MTMR12: variants seen among roughly 807,000 people sequenced by gnomAD.
MTMR12 encodes myotubularin-related protein 12.
In MTMR12, 33 loss-of-function variants were observed where a neutral mutation model predicts 96.7. That is an observed-to-expected ratio of 0.34 (90% confidence interval 0.26 to 0.46). MTMR12 has a LOEUF of 0.46. MTMR12 is among the 20% of genes least tolerant of loss of function. The pLI is 1.00. For synonymous variants in MTMR12, 298 were observed against 327.2 expected (o/e 0.91, Z 0.96); for missense variants, 721 against 896.1 (o/e 0.80, Z 2.49).
rs147323924 is a variant in MTMR12 at position 32,252,681 on chromosome 5, T to A, written c.789+3012A>T. On this transcript the variant is annotated intron_variant, in intron 8 of 15. Coordinates refer to ENST00000382142, the MANE Select transcript of MTMR12 (RefSeq NM_001040446.3). ...AAATTAAAACTGAGAAACTTTTAAATACTAATTCATTTTAAAACAATAATT... is the reference window on the plus strand; with the variant it reads ...AAATTAAAACTGAGAAACTTTTAAAAACTAATTCATTTTAAAACAATAATT... Among the ~76,000 whole-genome samples, 1,148 of 152,366 alleles carry A rather than the reference T, an allele frequency of 7.5e-3. 19 individuals carry two copies. Among genetic ancestry groups the A allele is most frequent in the African/African-American group, 0.027 (1,114 of 41,584 alleles).
intron 1 of MTMR12, 108 bp from the exon 2 acceptor site, chr5:32,276,850 C>A: frequency 2.1e-6 from 1 of 469,148 alleles, no homozygotes; most frequent in South Asian, 3.3e-5. Flanking sequence ...CCCTCAGGAG[C>A]TTTTCGTTTA....
At position 32,233,780 on chromosome 5, in the gene MTMR12, C is replaced by G; in HGVS notation, c.1667G>C (p.Arg556Pro). The change falls in exon 15 of 16, where the codon CGC becomes CCC. Residue 556 changes from arginine to proline, a missense_variant. Coordinates refer to ENST00000382142, the MANE Select transcript of MTMR12 (RefSeq NM_001040446.3). The surrounding 1 kb of genome is among the most constrained non-coding windows in gnomAD (Gnocchi z 5.0). ...KLDKGQRKGM[R>P]FKHQRQLSLP... ...GACATGTGGACATCTTACTTTGAAG[C>G]GCATTCCTTTCCGTTGGCCTTTGTC... is the stretch of plus-strand genomic sequence containing the variant. 6.2e-7 allele frequency: 1 copy of G among 1,614,190 alleles called. No homozygotes were observed. The highest frequency in any genetic ancestry group is 8.5e-7 in the Non-Finnish European group (1 of 1,180,044).
intron 15 of MTMR12, 46 bp from the exon 16 acceptor site, chr5:32,230,393 C>G: frequency 6.7e-7 from 1 of 1,490,496 alleles, no homozygotes; most frequent in Non-Finnish European, 9.1e-7. Flanking sequence ...ACATAACAGG[C>G]ACAGTTAACA....
intron 1 of MTMR12, among the ~76,000 whole-genome samples, chr5:32,296,801 T>TAA (rs150147919): frequency 3.9e-4 from 46 of 117,788 alleles, no homozygotes; most frequent in African/African-American, 1.1e-3. Context: ...ACATTCTCTT[T>TAA]AAAAAAAAAA....
At chr5:32,289,337 T>A (rs1014868145) in intron 1 of MTMR12, among the ~76,000 whole-genome samples, 1 of 152,164 alleles carries the variant, frequency 6.6e-6, no homozygotes, top group East Asian at 1.9e-4. Flanking sequence ...TCACGGCCCC[T>A]CAATCAATTT....
At chr5:32,285,953 ACT>A (rs1187001046) in intron 1 of MTMR12, among the ~76,000 whole-genome samples, 1 of 152,158 alleles carries the variant, frequency 6.6e-6, no homozygotes, top group African/African-American at 2.4e-5. Flanking sequence ...GTATCTGGTT[ACT>A]CAGAGTTGCA....
At position 32,271,830 on chromosome 5, in the gene MTMR12, T is replaced by G; in HGVS notation, c.358+3A>C. 1 of 1,546,540 alleles carries G rather than the reference T, an allele frequency of 6.5e-7. No individual in the cohort carries two copies. The highest frequency in any genetic ancestry group is 8.8e-7 in the Non-Finnish European group (1 of 1,135,194). On this transcript the variant is annotated splice_donor_region_variant and intron_variant, in intron 4 of 15. Transcript: ENST00000382142. ...AACACCCCAGGGAAAAACAGATACT[T>G]ACCTCCATAAATCTGATCAACACAG...
At chr5:32,289,135 A>G (rs1309309761) in intron 1 of MTMR12, among the ~76,000 whole-genome samples, 1 of 152,204 alleles carries the variant, frequency 6.6e-6, no homozygotes, top group East Asian at 1.9e-4. Context: ...TAGCTACTGT[A>G]ATGGATGGTA....
At chr5:32,256,161 G>C (rs1390690847) in intron 7 of MTMR12, among the ~76,000 whole-genome samples, 1 of 152,110 alleles carries the variant, frequency 6.6e-6, no homozygotes, top group Non-Finnish European at 1.5e-5. Context: ...TAAACTAATA[G>C]GAAAAACAGT....
chr5:32,294,242 G>A (rs28402709), intron 1 of MTMR12, among the ~76,000 whole-genome samples: 8 of 152,006 alleles, frequency 5.3e-5, no homozygotes, highest in Non-Finnish European at 1.0e-4. Flanking sequence ...ACACTGAGGT[G>A]CCCCTTTGCT....
chr5:32,270,974 G>A lies in MTMR12; in HGVS notation c.359-27C>T, dbSNP rs201751032. The A allele has an allele frequency of 1.8e-3, 2,809 of 1,594,504 alleles. 38 individuals carry two copies. The highest frequency in any genetic ancestry group is 0.017 in the Middle Eastern group (104 of 5,966). ...TACAGATCAGCAATGAAATCAGGAA[G>A]GGAAATTATGTTACACAGCAATAAG... On this transcript the variant is annotated intron_variant, in intron 4 of 15. Transcript: ENST00000382142.
chr5:32,279,076 CAAAAAAAAAAAAAAAA>C (rs35999870), intron 1 of MTMR12, among the ~76,000 whole-genome samples: 1,407 of 50,382 alleles, frequency 0.028, 29 homozygotes, highest in East Asian at 0.067. Context: ...AACTCTGTCT[CAAAAAAAAAAAAAAAA>C]AAAAAAAAAA....
intron 13 of MTMR12, among the ~76,000 whole-genome samples, chr5:32,237,712 G>A (rs1395415567): frequency 2.0e-5 from 3 of 151,872 alleles, no homozygotes; most frequent in South Asian, 4.1e-4. Context: ...GGGTTTCACC[G>A]TGTTAGCCAG....
At chr5:32,307,180 T>A (rs578226180) in intron 1 of MTMR12, among the ~76,000 whole-genome samples, 1 of 152,300 alleles carries the variant, frequency 6.6e-6, no homozygotes, top group South Asian at 2.1e-4. Flanking sequence ...ATGTTTATAA[T>A]CGTTCTTTAA....
intron 2 of MTMR12, among the ~76,000 whole-genome samples, chr5:32,275,035 GATAACC>G (rs1749999395): frequency 6.6e-6 from 1 of 152,064 alleles, no homozygotes; most frequent in Admixed American, 6.6e-5. Flanking sequence ...TCATGCAACA[GATAACC>G]ATCTTCTCCT....
At chr5:32,236,706 G>T (rs1293040566) in intron 13 of MTMR12, among the ~76,000 whole-genome samples, 1 of 151,756 alleles carries the variant, frequency 6.6e-6, no homozygotes, top group Non-Finnish European at 1.5e-5. Context: ...GAATGGAGGG[G>T]AATGCCTGTA....
intron 1 of MTMR12, among the ~76,000 whole-genome samples, chr5:32,287,012 G>C (rs1206656818): frequency 6.6e-6 from 1 of 152,154 alleles, no homozygotes; most frequent in Non-Finnish European, 1.5e-5. Flanking sequence ...TGTGCTATAT[G>C]TTAGAGGAAA....
chr5:32,230,999 G>A (rs1276311434), intron 15 of MTMR12, among the ~76,000 whole-genome samples: 1 of 152,198 alleles, frequency 6.6e-6, no homozygotes, highest in Non-Finnish European at 1.5e-5. Context: ...CCTGCATGGA[G>A]TAGAAAATGG....
chr5:32,267,399 G>T (rs971826672), intron 6 of MTMR12, among the ~76,000 whole-genome samples: 15 of 139,132 alleles, frequency 1.1e-4, no homozygotes, highest in African/African-American at 4.3e-4. Flanking sequence ...AAAAAAAAGA[G>T]TAATGGACAG....
Sources: allele counts gnomAD v4.1 joint callset (sites outside exome capture counted in the v4.1 genomes callset), GRCh38; gene constraint gnomAD v4.1.1; non-coding constraint Gnocchi (gnomAD v3.1); transcripts MANE v1.5; gene names NCBI Gene and HGNC (gene_info 2026-07-23, HGNC 2026-07-21).